CHRNA9: variants seen among roughly 807,000 people sequenced by gnomAD.
CHRNA9 encodes neuronal acetylcholine receptor subunit alpha-9.
CHRNA9 carries 24 observed loss-of-function variants against 36.8 expected under a neutral mutation model. That is an observed-to-expected ratio of 0.65 (90% confidence interval 0.47 to 0.92). The LOEUF (loss-of-function observed/expected upper bound fraction) is 0.92, where lower values mean the gene tolerates loss of function less well. Ranked by LOEUF, CHRNA9 falls within the 40% of genes least tolerant of loss-of-function variation. CHRNA9 has a pLI of 0.00. For missense variants in CHRNA9, 610 were observed against 601.2 expected (o/e 1.01, Z -0.15); for synonymous variants, 231 against 231.8 (o/e 1.00, Z 0.03).
Position 40,335,394 on chromosome 4 carries a change from C to A in CHRNA9, c.-74C>A. Reference sequence around the variant, plus strand: ...CGGTGTGGGCTCCTTGTGCCCAGATCCTTTGTATTCATAGGGGGAAGTGGA... The same window carrying A: ...CGGTGTGGGCTCCTTGTGCCCAGATACTTTGTATTCATAGGGGGAAGTGGA... On this transcript the variant is annotated 5_prime_UTR_variant, in exon 1 of 5. Coordinates refer to ENST00000310169, the MANE Select transcript of CHRNA9 (RefSeq NM_017581.4). The A allele has an allele frequency of 1.7e-6, 2 of 1,151,058 alleles. No individual in the cohort carries two copies. Among genetic ancestry groups the A allele is most frequent in the Non-Finnish European group, 2.6e-6 (2 of 758,444 alleles). 71.3% of individuals were successfully genotyped at this position (1,151,058 alleles called of 1,614,324 possible). A position where few individuals can be genotyped will look rare whatever the true frequency, so the allele number is the denominator to read the frequency against.
chr4:40,345,144 C>T (rs887211954), intron 3 of CHRNA9, among the ~76,000 whole-genome samples: 1 of 152,024 alleles, frequency 6.6e-6, no homozygotes, highest in Non-Finnish European at 1.5e-5. Context: ...CACTAAACTG[C>T]GGAGGTGCAG....
At chr4:40,345,607 G>A (rs1275834635) in intron 3 of CHRNA9, among the ~76,000 whole-genome samples, 1 of 151,816 alleles carries the variant, frequency 6.6e-6, no homozygotes, top group Non-Finnish European at 1.5e-5. Flanking sequence ...AGCACCTCGG[G>A]AGTCTGGGGC....
chr4:40,350,623 A>G (rs979885802), intron 4 of CHRNA9, among the ~76,000 whole-genome samples: 2 of 151,742 alleles, frequency 1.3e-5, no homozygotes, highest in Non-Finnish European at 2.9e-5. Flanking sequence ...CAGTTACCCA[A>G]TATTGAGATG....
intron 4 of CHRNA9, chr4:40,349,785 G>T (rs1712744115): frequency 1.0e-5 from 2 of 193,850 alleles, no homozygotes; most frequent in Non-Finnish European, 2.2e-5. Flanking sequence ...ATAAGGCCCT[G>T]GCATCCTGTT....
chr4:40,350,952 G>A (rs1712790727), intron 4 of CHRNA9, among the ~76,000 whole-genome samples: 1 of 151,962 alleles, frequency 6.6e-6, no homozygotes. Flanking sequence ...CACAGGAATT[G>A]CTTGTTCTGT....
Position 40,349,358 on chromosome 4 carries a change from T to G in CHRNA9, c.842T>G (p.Val281Gly). Residue 281 changes from valine to glycine, a missense_variant, in exon 4 of 5, where the codon GTA (valine) becomes GGA (glycine). Val to Gly is a moderately radical substitution (Grantham distance 109). Coordinates refer to ENST00000310169, the MANE Select transcript of CHRNA9 (RefSeq NM_017581.4). Reference sequence around the variant, plus strand: ...GTGACCATCCTGTTGGCCATGACTGTATTTCAGCTAATGGTGGCAGAAATC... The same window carrying G: ...GTGACCATCCTGTTGGCCATGACTGGATTTCAGCTAATGGTGGCAGAAATC... Reference protein sequence around the residue: ...LGVTILLAMTVFQLMVAEIMP... With the variant: ...LGVTILLAMTGFQLMVAEIMP... The G allele has an allele frequency of 8.1e-6, 13 of 1,614,144 alleles. No homozygotes were observed. The highest frequency in any genetic ancestry group is 1.3e-5 in the African/African-American group (1 of 75,050).
At chr4:40,352,114 T>C (rs1416240654) in intron 4 of CHRNA9, among the ~76,000 whole-genome samples, 1 of 152,254 alleles carries the variant, frequency 6.6e-6, no homozygotes, top group African/African-American at 2.4e-5. Flanking sequence ...AGGGGGATGG[T>C]ATTTGATTGA....
At position 40,354,163 on chromosome 4, in the gene CHRNA9, G is replaced by GCACCACAGTAGAGAGCGGGAC. The variant is rs2109691633; in HGVS notation, c.1088_1108dup (p.His363_His369dup). ...ATGTGGGTGAAAGCTGCCTCAGCCC[G>GCACCACAGTAGAGAGCGGGAC]CACCACAGTAGAGAGCGGGACCACC... On this transcript the variant is annotated inframe_insertion, in exon 5 of 5. Transcript: ENST00000310169. 1.9e-6 allele frequency: 3 copies of GCACCACAGTAGAGAGCGGGAC among 1,614,120 alleles called. No individual in the cohort carries two copies. In the South Asian group the frequency reaches 3.3e-5, roughly 18 times the overall value.
chr4:40,340,315 A>T (rs1712462933), intron 3 of CHRNA9, among the ~76,000 whole-genome samples: 1 of 152,144 alleles, frequency 6.6e-6, no homozygotes, highest in Admixed American at 6.5e-5. Context: ...TGTCATGGAC[A>T]ATTCTGTTTC....
At chr4:40,337,491 T>C (rs138628295) in intron 3 of CHRNA9, 127 bp downstream of exon 3, 35 of 1,050,032 alleles carry the variant, frequency 3.3e-5, no homozygotes, top group African/African-American at 3.2e-4. Context: ...TCCTAGGACT[T>C]ACTGAAATAA....
intron 3 of CHRNA9, among the ~76,000 whole-genome samples, chr4:40,342,959 G>A (rs1018721980): frequency 1.3e-5 from 2 of 152,078 alleles, no homozygotes; most frequent in East Asian, 3.9e-4. Context: ...GATATGGAAA[G>A]GAAGGAAAAG....
At chr4:40,352,221 AC>A (rs1436950230) in intron 4 of CHRNA9, among the ~76,000 whole-genome samples, 3 of 152,212 alleles carry the variant, frequency 2.0e-5, no homozygotes, top group African/African-American at 7.2e-5. Context: ...ATGTTATTAT[AC>A]AGCTATTTTT....
chr4:40,352,575 C>G (rs1355662384), intron 4 of CHRNA9, among the ~76,000 whole-genome samples: 2 of 152,044 alleles, frequency 1.3e-5, no homozygotes, highest in Admixed American at 6.6e-5. Flanking sequence ...TCCATCTTCT[C>G]TCTCTCTCTT....
intron 3 of CHRNA9, among the ~76,000 whole-genome samples, chr4:40,346,693 G>C (rs1265986989): frequency 6.6e-6 from 1 of 152,128 alleles, no homozygotes; most frequent in East Asian, 1.9e-4. Context: ...AGTGAACTCA[G>C]TCAGACCATT....
intron 3 of CHRNA9, among the ~76,000 whole-genome samples, chr4:40,345,685 C>A (rs1712618601): frequency 1.3e-5 from 2 of 151,604 alleles, no homozygotes. Context: ...GCACTAAAGC[C>A]TGGGCAACAG....
At chr4:40,352,893 G>C (rs1224820910) in intron 4 of CHRNA9, among the ~76,000 whole-genome samples, 3 of 152,100 alleles carry the variant, frequency 2.0e-5, no homozygotes, top group African/African-American at 7.2e-5. Context: ...TTCATTAATT[G>C]TTTGTTCGTT....
chr4:40,346,084 G>A (rs1379736160), intron 3 of CHRNA9, among the ~76,000 whole-genome samples: 6 of 152,204 alleles, frequency 3.9e-5, no homozygotes, highest in African/African-American at 9.6e-5. Flanking sequence ...AGCAGCTGGG[G>A]TGATGTTTTT....
chr4:40,350,726 A>ACACACACACACACC (rs1453479700), intron 4 of CHRNA9, among the ~76,000 whole-genome samples: 5 of 148,268 alleles, frequency 3.4e-5, no homozygotes, highest in South Asian at 4.3e-4. Flanking sequence ...ACACACACAC[A>ACACACACACACACC]CCTCTCTTTT....
rs1406003123 is a variant in CHRNA9, at chr4:40,335,361, G to A, written c.-107G>A. 18 of 849,170 alleles carry A rather than the reference G, an allele frequency of 2.1e-5. No individual in the cohort carries two copies. In the South Asian group the frequency reaches 2.5e-4, roughly 12 times the overall value. 52.6% of individuals were successfully genotyped at this position (849,170 alleles called of 1,614,324 possible). A position where few individuals can be genotyped will look rare whatever the true frequency, so the allele number is the denominator to read the frequency against. ...GCAAGCCTGAGCTCTCCCGCCATAA[G>A]GCTGCAGCGGTGTGGGCTCCTTGTG... is the stretch of plus-strand genomic sequence containing the variant. On this transcript the variant is annotated 5_prime_UTR_variant, in exon 1 of 5. Transcript: ENST00000310169.
Sources: gnomAD v4.1 joint callset for allele counts (sites outside exome capture counted in the v4.1 genomes callset) on GRCh38, gnomAD v4.1.1 for gene constraint, MANE v1.5 for transcripts, NCBI Gene and HGNC (gene_info 2026-07-23, HGNC 2026-07-21) for gene names.